Variants in BMP7 observed in about 807,000 individuals in gnomAD.
BMP7 encodes bone morphogenetic protein 7, also known as osteogenic protein 1.
BMP7 carries 12 observed loss-of-function variants against 41.2 expected under a neutral mutation model. The ratio of observed to expected loss-of-function variants is 0.29; its 90% CI spans 0.19 to 0.47. The LOEUF (loss-of-function observed/expected upper bound fraction) is 0.47. Ranked by LOEUF, BMP7 falls within the 20% of genes least tolerant of loss-of-function variation. The pLI, the probability that BMP7 is intolerant of heterozygous loss-of-function variation, is 0.99. For synonymous variants in BMP7, 248 were observed against 250.0 expected (o/e 0.99, Z 0.07); for missense variants, 467 against 606.0 (o/e 0.77, Z 2.41).
At position 57,213,226 on chromosome 20, in the gene BMP7, C is replaced by T. The variant is rs1984935676; in HGVS notation, c.612-10603G>A. Among the ~76,000 whole-genome samples the T allele has an allele frequency of 6.6e-6, 1 of 152,186 alleles. No individual in the cohort carries two copies. The highest frequency in any genetic ancestry group is 2.4e-5 in the African/African-American group (1 of 41,442). On this transcript the variant is annotated intron_variant, in intron 2 of 6. Transcript: ENST00000395863. This position sits in a 1 kb window ranked among gnomAD's most constrained non-coding sequence, Gnocchi z 4.4. ...CTCATGGGAAAGTCAGGAAGATGCC[C>T]GTCCAGCACCCGGAGGCCAGCGTTG...
chr20:57,200,731 G>T (rs1984599963), intron 3 of BMP7, among the ~76,000 whole-genome samples: 1 of 152,174 alleles, frequency 6.6e-6, no homozygotes, highest in South Asian at 2.1e-4. Context: ...GGAGGCGGAG[G>T]TTATAGTGAA....
intron 3 of BMP7, among the ~76,000 whole-genome samples, chr20:57,191,936 G>T (rs1984369348): frequency 8.0e-6 from 1 of 124,264 alleles, no homozygotes; most frequent in East Asian, 2.2e-4. Flanking sequence ...TTCTATTATA[G>T]TATATTATAT....
chr20:57,221,261 T>C (rs1306378948), intron 2 of BMP7, among the ~76,000 whole-genome samples: 2 of 152,092 alleles, frequency 1.3e-5, no homozygotes, highest in African/African-American at 2.4e-5. Context: ...AAGAGGCGGC[T>C]CCAGGTGCGT....
At chr20:57,218,063 C>T (rs530353056) in intron 2 of BMP7, among the ~76,000 whole-genome samples, 25 of 152,316 alleles carry the variant, frequency 1.6e-4, no homozygotes, top group East Asian at 9.6e-4. Flanking sequence ...AGGCCAGGGC[C>T]GGCTTCATGG....
intron 1 of BMP7, among the ~76,000 whole-genome samples, chr20:57,242,560 G>T (rs1243137466): frequency 1.2e-4 from 18 of 152,312 alleles, no homozygotes; most frequent in Non-Finnish European, 2.9e-5. Flanking sequence ...CCTGTATGGG[G>T]TTCACCCTAA....
chr20:57,194,495 A>C (rs1462681340), intron 3 of BMP7, among the ~76,000 whole-genome samples: 3 of 151,934 alleles, frequency 2.0e-5, no homozygotes, highest in African/African-American at 7.3e-5. Context: ...GAAGATGAAA[A>C]CCTTTGCTGA....
Position 57,169,929 on chromosome 20 carries a change from G to GT in BMP7, c.*1029dup, listed in dbSNP as rs1983777217. On this transcript the variant is annotated 3_prime_UTR_variant, in exon 7 of 7. Transcript: ENST00000395863. ...GTGCCACCATGCCCGGCTAATTTTT[G>GT]TATTTTTAGTAGAGATGGGGTTTCA... 1 of 152,196 alleles carries GT rather than the reference G, an allele frequency of 6.6e-6. No homozygotes were observed. Among genetic ancestry groups the GT allele is most frequent in the Non-Finnish European group, 1.5e-5 (1 of 68,092 alleles). The allele number at this position is 152,196 out of a possible 1,614,324, so 9.4% of individuals were successfully genotyped here.
chr20:57,260,005 G>A (rs976600990), intron 1 of BMP7, among the ~76,000 whole-genome samples: 3 of 152,028 alleles, frequency 2.0e-5, no homozygotes, highest in Non-Finnish European at 4.4e-5. Context: ...AATACCAAAC[G>A]GCTCACTAAT....
chr20:57,218,567 T>C (rs1985095475), intron 2 of BMP7, among the ~76,000 whole-genome samples: 1 of 150,050 alleles, frequency 6.7e-6, no homozygotes, highest in African/African-American at 2.5e-5. Flanking sequence ...TAGTAGTAGC[T>C]GGTGTTTGGT....
intron 3 of BMP7, among the ~76,000 whole-genome samples, chr20:57,200,150 C>T (rs976129812): frequency 1.3e-5 from 2 of 152,210 alleles, no homozygotes; most frequent in African/African-American, 2.4e-5. Flanking sequence ...AGTGGTGCTT[C>T]GTAGCAACCA....
At chr20:57,223,811 G>T (rs1010821769) in intron 2 of BMP7, among the ~76,000 whole-genome samples, 4 of 152,164 alleles carry the variant, frequency 2.6e-5, no homozygotes, top group Non-Finnish European at 5.9e-5. Flanking sequence ...CGCTCATGGG[G>T]GCTAACGGCA....
intron 3 of BMP7, among the ~76,000 whole-genome samples, chr20:57,192,152 A>T (rs1419186997): frequency 8.0e-6 from 1 of 125,012 alleles, no homozygotes; most frequent in Non-Finnish European, 1.6e-5. Context: ...TATAATATAT[A>T]GTTATACATA....
chr20:57,211,644 G>A (rs1984886306), intron 2 of BMP7, among the ~76,000 whole-genome samples: 2 of 152,154 alleles, frequency 1.3e-5, no homozygotes. Flanking sequence ...TGGGCCCAAA[G>A]GAATCATAAG....
rs36018016 is a variant in BMP7, at chr20:57,236,763, T to TAA, written c.419-8344_419-8343dup. Among the ~76,000 whole-genome samples the TAA allele has an allele frequency of 7.4e-3, 1,055 of 141,916 alleles. 5 individuals carry two copies. Among genetic ancestry groups the TAA allele is most frequent in the Admixed American group, 0.013 (194 of 14,386 alleles). 93.1% of individuals were successfully genotyped at this position (141,916 alleles called of 152,430 possible). On this transcript the variant is annotated intron_variant, in intron 1 of 6. Transcript: ENST00000395863. ...CAGCTCTCATGGGGACAGCCATGCATAAAAAAAAAAAAAACACCTGACGAG... is the reference window on the plus strand; with the variant it reads ...CAGCTCTCATGGGGACAGCCATGCATAAAAAAAAAAAAAAAACACCTGACGAG...
chr20:57,194,464 T>C (rs1353677780), intron 3 of BMP7, among the ~76,000 whole-genome samples: 1 of 152,192 alleles, frequency 6.6e-6, no homozygotes, highest in Admixed American at 6.5e-5. Context: ...GCCTAAAATA[T>C]GTACTCTCTG....
At chr20:57,257,902 T>C (rs2066140033) in intron 1 of BMP7, among the ~76,000 whole-genome samples, 1 of 151,674 alleles carries the variant, frequency 6.6e-6, no homozygotes, top group Non-Finnish European at 1.5e-5. Context: ...GACCATTATA[T>C]GCCAACTGTC....
chr20:57,228,631 C>T lies in BMP7; in HGVS notation c.419-210G>A, dbSNP rs17404303. Among the ~76,000 whole-genome samples, 48,402 of 152,032 alleles carry T rather than the reference C, an allele frequency of 0.32. 9,169 individuals are homozygous for T. Among genetic ancestry groups the T allele is most frequent in the Non-Finnish European group, 0.42 (28,742 of 67,916 alleles). On this transcript the variant is annotated intron_variant, in intron 1 of 6. Coordinates refer to ENST00000395863, the MANE Select transcript of BMP7 (RefSeq NM_001719.3). This position sits in a 1 kb window ranked among gnomAD's most constrained non-coding sequence, Gnocchi z 4.5. ...CCATGGTCCCCATGGTCATCCTGAA[C>T]GACAAGAGCATGATTCTGCATCCAA...
chr20:57,212,667 G>A (rs1271611626), intron 2 of BMP7, among the ~76,000 whole-genome samples: 1 of 152,248 alleles, frequency 6.6e-6, no homozygotes, highest in Non-Finnish European at 1.5e-5. Context: ...GTCATGGAGG[G>A]AGCACAGGCT....
chr20:57,172,537 G>T (rs553550260), intron 6 of BMP7, among the ~76,000 whole-genome samples: 1 of 152,292 alleles, frequency 6.6e-6, no homozygotes, highest in Admixed American at 6.5e-5. Context: ...TGATCAGTAG[G>T]CAGGAAAGGC....
Sources: gnomAD v4.1 joint callset for allele counts (sites outside exome capture counted in the v4.1 genomes callset) on GRCh38, gnomAD v4.1.1 for gene constraint, Gnocchi (gnomAD v3.1) non-coding constraint, MANE v1.5 for transcripts, NCBI Gene and HGNC (gene_info 2026-07-23, HGNC 2026-07-21) for gene names.